Variants in AKR1C3 observed in about 807,000 individuals in gnomAD.
AKR1C3 encodes aldo-keto reductase family 1 member C3.
A neutral mutation model predicts 43.6 loss-of-function variants in AKR1C3; 48 were observed. The ratio of observed to expected loss-of-function variants is 1.10; its 90% CI spans 0.87 to 1.40. The LOEUF (loss-of-function observed/expected upper bound fraction) is 1.40, where lower values mean the gene tolerates loss of function less well. Ranked by LOEUF, AKR1C3 falls within the 40% of genes most tolerant of loss-of-function variation. The probability of loss-of-function intolerance (pLI) is 0.00; values close to 1 mark genes in which losing one functional copy is unlikely to be tolerated. For missense variants in AKR1C3, 482 were observed against 391.2 expected (o/e 1.23, Z -1.96); for synonymous variants, 162 against 139.6 (o/e 1.16, Z -1.13).
chr10:5,104,955 CA>C (rs1389974142), intron 7 of AKR1C3, among the ~76,000 whole-genome samples: 9 of 152,126 alleles, frequency 5.9e-5, no homozygotes, highest in Admixed American at 2.0e-4. Flanking sequence ...CTCTCTCTCT[CA>C]TTCTCTGTAT....
intron 1 of AKR1C3, among the ~76,000 whole-genome samples, chr10:5,079,187 AGT>A (rs1838778122): frequency 6.6e-6 from 1 of 152,188 alleles, no homozygotes; most frequent in African/African-American, 2.4e-5. Context: ...GCTCTTGTCC[AGT>A]GTGTCTGAGG....
chr10:5,053,308 T>C (rs1179089314), intron 1 of AKR1C3, among the ~76,000 whole-genome samples: 1 of 152,122 alleles, frequency 6.6e-6, no homozygotes, highest in African/African-American at 2.4e-5. Context: ...GCAGCTAAGG[T>C]CCGGTGAGAA....
chr10:5,059,574 G>A (rs1838335783), intron 1 of AKR1C3, among the ~76,000 whole-genome samples: 1 of 152,192 alleles, frequency 6.6e-6, no homozygotes, highest in African/African-American at 2.4e-5. Context: ...AGAGTCGGGG[G>A]TTGTTAGCCC....
At chr10:5,095,424 C>G (rs1839182839) in intron 1 of AKR1C3, among the ~76,000 whole-genome samples, 1 of 151,542 alleles carries the variant, frequency 6.6e-6, no homozygotes, top group Admixed American at 6.6e-5. Flanking sequence ...AACTGAAGCT[C>G]CAGCCTTGGT....
chr10:5,101,383 T>TGA (rs1554785955), intron 5 of AKR1C3, among the ~76,000 whole-genome samples: 2 of 152,206 alleles, frequency 1.3e-5, no homozygotes, highest in African/African-American at 4.8e-5. Context: ...TAAAACCTTA[T>TGA]TTAACTATTC....
intron 1 of AKR1C3, among the ~76,000 whole-genome samples, chr10:5,052,021 G>A (rs1290854354): frequency 6.6e-6 from 1 of 152,198 alleles, no homozygotes; most frequent in African/African-American, 2.4e-5. Flanking sequence ...CTGACTTCAA[G>A]AATGAAGCCG....
At chr10:5,059,373 G>T (rs908893283) in intron 1 of AKR1C3, among the ~76,000 whole-genome samples, 3 of 152,194 alleles carry the variant, frequency 2.0e-5, no homozygotes, top group Non-Finnish European at 4.4e-5. Flanking sequence ...GGTCAGGATA[G>T]ATAGGATAGA....
chr10:5,105,006 ATTCC>A (rs1839463603), intron 7 of AKR1C3, among the ~76,000 whole-genome samples: 1 of 151,596 alleles, frequency 6.6e-6, no homozygotes, highest in South Asian at 2.1e-4. Context: ...GATTTATTCA[ATTCC>A]ATGTGTTAGC....
At chr10:5,077,264 T>G (rs782184735) in intron 1 of AKR1C3, among the ~76,000 whole-genome samples, 3 of 152,098 alleles carry the variant, frequency 2.0e-5, no homozygotes, top group South Asian at 2.1e-4. Flanking sequence ...TTTTCTCTCA[T>G]AGAGAGAAGA....
chr10:5,105,465 A>G, intron 7 of AKR1C3, 130 bp from the exon 8 acceptor site: 2 of 634,224 alleles, frequency 3.2e-6, no homozygotes, highest in East Asian at 2.8e-5. Context: ...CTGAGTGTTT[A>G]GAGCTGACTT....
At chr10:5,063,927 C>T (rs1312362650) in intron 1 of AKR1C3, among the ~76,000 whole-genome samples, 1 of 152,044 alleles carries the variant, frequency 6.6e-6, no homozygotes, top group Admixed American at 6.5e-5. Flanking sequence ...AGAAAATTCT[C>T]TCAATGTCAT....
rs35575889 is a variant in AKR1C3, at chr10:5,099,387, C to T, written c.508C>T (p.Arg170Cys). Residue 170 changes from arginine to cysteine, a missense_variant, in exon 5 of 9, where the codon CGC becomes TGC. Coordinates refer to ENST00000380554, the MANE Select transcript of AKR1C3 (RefSeq NM_003739.6). ...GTCCATTGGGGTGTCAAACTTCAAC[C>T]GCAGGCAGCTGGAGATGATCCTCAA... is the stretch of plus-strand genomic sequence containing the variant. ...AKSIGVSNFN[R>C]RQLEMILNKP... 359 of 1,614,150 alleles carry T rather than the reference C, an allele frequency of 2.2e-4. 1 individual carries two copies. Among genetic ancestry groups the T allele is most frequent in the African/African-American group, 1.3e-3 (94 of 75,034 alleles).
chr10:5,069,854 A>G lies in AKR1C3; in HGVS notation c.84+20959A>G, dbSNP rs3905461. Among the ~76,000 whole-genome samples, 796 of 152,164 alleles carry G rather than the reference A, an allele frequency of 5.2e-3. 7 individuals are homozygous for G. The highest frequency in any genetic ancestry group is 0.018 in the African/African-American group (749 of 41,506). ...ACACCATTGCACTCCAGCCTGGGCA[A>G]TAAGAGTGAAACTCTGTCTCAAAAA... is the stretch of plus-strand genomic sequence containing the variant. On this transcript the variant is annotated intron_variant, in intron 1 of 8. Coordinates refer to the AKR1C3 transcript ENST00000439082.
chr10:5,102,744 C>T, intron 7 of AKR1C3, 94 bp downstream of exon 7: 1 of 1,498,814 alleles, frequency 6.7e-7, no homozygotes, highest in South Asian at 1.3e-5. Flanking sequence ...TGGGCCAGCT[C>T]CATTTCCCTG....
chr10:5,104,158 T>A (rs771882004), intron 7 of AKR1C3, among the ~76,000 whole-genome samples: 4 of 152,168 alleles, frequency 2.6e-5, no homozygotes, highest in Non-Finnish European at 5.9e-5. Context: ...CTGTGGTTGA[T>A]GAGTGGCATG....
chr10:5,075,375 C>T (rs1318794916), intron 1 of AKR1C3, among the ~76,000 whole-genome samples: 4 of 152,170 alleles, frequency 2.6e-5, no homozygotes, highest in Non-Finnish European at 4.4e-5. Flanking sequence ...CATGATCGCT[C>T]TCCCACAGAA....
At chr10:5,057,606 G>C (rs1054089374) in intron 1 of AKR1C3, among the ~76,000 whole-genome samples, 2 of 152,178 alleles carry the variant, frequency 1.3e-5, no homozygotes, top group East Asian at 3.9e-4. Flanking sequence ...AGTCATGGTG[G>C]ACATCATTGA....
chr10:5,059,606 C>A (rs1232556341), intron 1 of AKR1C3, among the ~76,000 whole-genome samples: 1 of 152,148 alleles, frequency 6.6e-6, no homozygotes, highest in Non-Finnish European at 1.5e-5. Context: ...GCCTGACACC[C>A]GTGTCTTTAG....
At chr10:5,083,162 G>A (rs189985701) in intron 1 of AKR1C3, among the ~76,000 whole-genome samples, 15 of 152,084 alleles carry the variant, frequency 9.9e-5, no homozygotes, top group Non-Finnish European at 2.2e-4. Flanking sequence ...TGCCATGTTG[G>A]TGTGCTGCAC....
Sources: allele counts gnomAD v4.1 joint callset (sites outside exome capture counted in the v4.1 genomes callset), GRCh38; gene constraint gnomAD v4.1.1; transcripts MANE v1.5; gene names NCBI Gene and HGNC (gene_info 2026-07-23, HGNC 2026-07-21).